Variants in ABCB5 observed in about 807,000 individuals in gnomAD.
ABCB5 encodes ATP binding cassette subfamily B member 5, also known as ATP-binding cassette sub-family B member 5.
A neutral mutation model predicts 144.2 loss-of-function variants in ABCB5; 155 were observed. The ratio of observed to expected loss-of-function variants is 1.08; its 90% CI spans 0.94 to 1.23. The LOEUF (loss-of-function observed/expected upper bound fraction) is 1.23, where lower values mean the gene tolerates loss of function less well. Among genes scored for constraint, ABCB5 ranks in the 50% most tolerant of loss-of-function variants. The pLI is 0.00. For synonymous variants in ABCB5, 610 were observed against 528.6 expected, an observed-to-expected ratio of 1.15 and a Z score of -2.11; for missense variants, 1,830 against 1,520.8, an observed-to-expected ratio of 1.20 and a Z score of -3.38.
At chr7:20,627,202 C>G (rs143073276) in intron 3 of ABCB5, among the ~76,000 whole-genome samples, 1 of 151,896 alleles carries the variant, frequency 6.6e-6, no homozygotes, top group Non-Finnish European at 1.5e-5. Context: ...AATGTTATGT[C>G]CCTACAAATA....
chr7:20,697,513 T>G (rs1369485860), intron 16 of ABCB5, among the ~76,000 whole-genome samples: 3 of 152,196 alleles, frequency 2.0e-5, no homozygotes, highest in African/African-American at 4.8e-5. Context: ...CACTACTTAT[T>G]GCAGACAAGA....
At chr7:20,644,260 G>A (rs1280293006) in intron 7 of ABCB5, among the ~76,000 whole-genome samples, 1 of 151,924 alleles carries the variant, frequency 6.6e-6, no homozygotes, top group Non-Finnish European at 1.5e-5. Flanking sequence ...TGTATTTTTT[G>A]TAGAGACAGA....
chr7:20,658,077 T>C (rs144835752), intron 13 of ABCB5, among the ~76,000 whole-genome samples: 57 of 152,284 alleles, frequency 3.7e-4, no homozygotes, highest in African/African-American at 1.3e-3. Context: ...TTTTTTTTCA[T>C]GCTGTTTTTC....
At chr7:20,688,548 G>T (rs184394527) in intron 16 of ABCB5, among the ~76,000 whole-genome samples, 81 of 152,300 alleles carry the variant, frequency 5.3e-4, no homozygotes, top group African/African-American at 1.9e-3. Context: ...AACCATTGTG[G>T]AAGTCAGTGT....
Position 20,645,952 on chromosome 7 carries a change from T to G in ABCB5, c.804-9T>G. On this transcript the variant is annotated splice_polypyrimidine_tract_variant and intron_variant, in intron 8 of 27. Transcript: ENST00000404938. Reference sequence around the variant, plus strand: ...CAGTGGCTACTAAGTTGTGTTCTGTTTTTGTAAGGTATACACAGAATCTCA... The same window carrying G: ...CAGTGGCTACTAAGTTGTGTTCTGTGTTTGTAAGGTATACACAGAATCTCA... 6.2e-7 allele frequency: 1 copy of G among 1,612,692 alleles called. No homozygotes were observed. The highest frequency in any genetic ancestry group is 1.1e-5 in the South Asian group (1 of 90,828).
At position 20,707,801 on chromosome 7, in the gene ABCB5, C is replaced by CTTTTTTTTT. The variant is rs67014566; in HGVS notation, c.2421+3008_2421+3016dup. ...TACCTGGACAATGGTAACCTCATTT[C>CTTTTTTTTT]TTTTTTTTTTTTTTTTTTTTTTGAG... On this transcript the variant is annotated intron_variant, in intron 20 of 27. Coordinates refer to ENST00000404938, the MANE Select transcript of ABCB5 (RefSeq NM_001163941.2). Among the ~76,000 whole-genome samples, 146 of 93,062 alleles carry CTTTTTTTTT rather than the reference C, an allele frequency of 1.6e-3. 5 individuals carry two copies. The highest frequency in any genetic ancestry group is 2.2e-3 in the African/African-American group (53 of 23,622). 61.1% of individuals were successfully genotyped at this position (93,062 alleles called of 152,430 possible).
At chr7:20,749,943 A>T (rs573433824) in intron 26 of ABCB5, among the ~76,000 whole-genome samples, 1 of 152,366 alleles carries the variant, frequency 6.6e-6, no homozygotes, top group Non-Finnish European at 1.5e-5. Context: ...CAATTGACAA[A>T]GAATAGAGTA....
In ABCB5 at chr7:20,623,169, C is replaced by T. The variant is rs200816819; in HGVS notation, c.-21-96C>T. On this transcript the variant is annotated intron_variant, in intron 1 of 27. Transcript: ENST00000404938. Reference sequence around the variant, plus strand: ...CGAAATTCTGAGATGCTTCCTTTTTCAAACTGTGAGAGATGTGGGATGTAA... The same window carrying T: ...CGAAATTCTGAGATGCTTCCTTTTTTAAACTGTGAGAGATGTGGGATGTAA... 3.1e-4 allele frequency: 238 copies of T among 759,682 alleles called. 1 individual carries two copies. The East Asian group carries it at 6.6e-3, about 21-fold the overall frequency. The allele number at this position is 759,682 out of a possible 1,614,324, so 47.1% of individuals were successfully genotyped here. A position where few individuals can be genotyped will look rare whatever the true frequency, so the allele number is the denominator to read the frequency against.
At chr7:20,625,788 T>C (rs1362709274) in intron 2 of ABCB5, among the ~76,000 whole-genome samples, 1 of 152,222 alleles carries the variant, frequency 6.6e-6, no homozygotes, top group Non-Finnish European at 1.5e-5. Flanking sequence ...CCAGCAATTC[T>C]ACTTCCGGGT....
chr7:20,705,944 T>G (rs1410169006), intron 20 of ABCB5, among the ~76,000 whole-genome samples: 1 of 152,158 alleles, frequency 6.6e-6, no homozygotes, highest in African/African-American at 2.4e-5. Flanking sequence ...AAAGCTAATT[T>G]TATGATGGAG....
intron 21 of ABCB5, among the ~76,000 whole-genome samples, chr7:20,726,356 A>ACC (rs1782035009): frequency 1.5e-5 from 1 of 65,788 alleles, no homozygotes; most frequent in East Asian, 5.2e-4. Context: ...TATCTCTGCT[A>ACC]TCTTTTTTTT....
At chr7:20,656,912 C>CTTTTTTTTTTTTT (rs749816471) in intron 13 of ABCB5, among the ~76,000 whole-genome samples, 3 of 58,582 alleles carry the variant, frequency 5.1e-5, no homozygotes, top group Non-Finnish European at 9.7e-5. Context: ...TTTCCTTTTT[C>CTTTTTTTTTTTTT]TTTTTTTTTT....
At chr7:20,634,113 C>T (rs1784098416) in intron 5 of ABCB5, among the ~76,000 whole-genome samples, 1 of 151,424 alleles carries the variant, frequency 6.6e-6, no homozygotes, top group South Asian at 2.1e-4. Context: ...TAAGTGAGAA[C>T]TTGTGGTATT....
chr7:20,743,206 G>C (rs773367789), intron 25 of ABCB5, 132 bp downstream of exon 25: 2 of 924,214 alleles, frequency 2.2e-6, no homozygotes, highest in Non-Finnish European at 3.2e-6. Flanking sequence ...AAAAATCTCT[G>C]TGTCAACCCT....
chr7:20,702,828 A>ATTTTTTTTTTTTTTTTT (rs5882755), intron 19 of ABCB5, among the ~76,000 whole-genome samples: 2 of 114,120 alleles, frequency 1.8e-5, no homozygotes, highest in Non-Finnish European at 1.8e-5. Context: ...CGCCTGGCTA[A>ATTTTTTTTTTTTTTTTT]TTTTTTTTTT....
chr7:20,629,093 G>C (rs1218150482), intron 4 of ABCB5, among the ~76,000 whole-genome samples: 1 of 151,506 alleles, frequency 6.6e-6, no homozygotes, highest in Non-Finnish European at 1.5e-5. Flanking sequence ...GGGTTCTCCA[G>C]AGAAACAGCA....
At chr7:20,679,067 G>T (rs1045878434) in intron 14 of ABCB5, among the ~76,000 whole-genome samples, 1 of 151,946 alleles carries the variant, frequency 6.6e-6, no homozygotes, top group African/African-American at 2.4e-5. Context: ...TTGGAGTAAA[G>T]ATTTCTTAAA....
At chr7:20,689,782 C>A (rs867454843) in intron 16 of ABCB5, among the ~76,000 whole-genome samples, 3 of 152,176 alleles carry the variant, frequency 2.0e-5, no homozygotes, top group African/African-American at 2.4e-5. Flanking sequence ...CAGGGCTTAA[C>A]CTCTTGCCCA....
chr7:20,660,882 G>C (rs529553746), intron 14 of ABCB5, among the ~76,000 whole-genome samples: 2 of 152,188 alleles, frequency 1.3e-5, no homozygotes, highest in African/African-American at 4.8e-5. Context: ...CTCTCCATTA[G>C]TCATTTATCT....
Sources: allele counts gnomAD v4.1 joint callset (sites outside exome capture counted in the v4.1 genomes callset), GRCh38; gene constraint gnomAD v4.1.1; transcripts MANE v1.5; gene names NCBI Gene and HGNC (gene_info 2026-07-23, HGNC 2026-07-21).